Variants in MYO10 observed in about 807,000 individuals in gnomAD.
MYO10 encodes unconventional myosin-X.
In MYO10, 133 loss-of-function variants were observed where a neutral mutation model predicts 257.3. The observed-to-expected ratio is 0.52, with a 90% confidence interval of 0.45 to 0.60. The LOEUF (loss-of-function observed/expected upper bound fraction) is 0.60. Among genes scored for constraint, MYO10 ranks in the 20% least tolerant of loss-of-function variants. MYO10 has a pLI of 0.00. For missense variants in MYO10, 2,399 were observed against 2,635.7 expected (o/e 0.91, Z 1.97); for synonymous variants, 1,104 against 1,028.6 (o/e 1.07, Z -1.40).
chr5:16,917,106 T>C (rs576702250), intron 1 of MYO10, among the ~76,000 whole-genome samples: 1 of 152,094 alleles, frequency 6.6e-6, no homozygotes, highest in Non-Finnish European at 1.5e-5. Context: ...AATGTTGGAA[T>C]AAATAAAACA....
At position 16,762,594 on chromosome 5, in the gene MYO10, G is replaced by A. The variant is rs541689965; in HGVS notation, c.1538C>T (p.Pro513Leu). 6.2e-7 allele frequency: 1 copy of A among 1,609,670 alleles called. No individual in the cohort carries two copies. Among genetic ancestry groups the A allele is most frequent in the South Asian group, 1.1e-5 (1 of 89,644 alleles). Reference sequence around the variant, plus strand: ...CAATAAGGTGCTGTCTGTGGCTTGAGGAAAATGGCTTTCTTCATTGATAAG... The same window carrying A: ...CAATAAGGTGCTGTCTGTGGCTTGAAGAAAATGGCTTTCTTCATTGATAAG... ...LALINEESHF[P>L]QATDSTLLEK... is the part of the protein sequence containing the mutation. The change falls in exon 15 of 41, where the codon CCT becomes CTT. Residue 513 changes from proline to leucine, a missense_variant. This residue lies in a region of MYO10 where 337 missense variants were observed against 446.8 expected (regional missense o/e 0.75). Transcript: ENST00000513610.
rs1390716597 is a variant in MYO10, at chr5:16,935,733, C to T, written c.21+55G>A. ...TACCCAGGGCGCGCGGCGTGGTGGG[C>T]AGACGCCTCTCTCCCTGGGCTCCGG... On this transcript the variant is annotated intron_variant, in intron 1 of 40. Coordinates refer to ENST00000513610, the MANE Select transcript of MYO10 (RefSeq NM_012334.3). 1.9e-6 allele frequency: 3 copies of T among 1,607,702 alleles called. No individual in the cohort carries two copies. The African/African-American group carries it at 4.0e-5, about 21-fold the overall frequency.
intron 2 of MYO10, among the ~76,000 whole-genome samples, chr5:16,856,504 C>G (rs60453423): frequency 6.6e-6 from 1 of 151,624 alleles, no homozygotes; most frequent in African/African-American, 2.4e-5. Context: ...GAGCCGAGAT[C>G]GCACCACTGC....
At position 16,703,862 on chromosome 5, in the gene MYO10, G is replaced by C. The variant is rs996396581; in HGVS notation, c.2277-704C>G. Among the ~76,000 whole-genome samples the C allele has an allele frequency of 1.2e-3, 161 of 134,060 alleles. 1 individual carries two copies. Among genetic ancestry groups the C allele is most frequent in the Admixed American group, 2.7e-3 (32 of 12,058 alleles). The allele number at this position is 134,060 out of a possible 152,430, so 87.9% of individuals were successfully genotyped here. On this transcript the variant is annotated intron_variant, in intron 22 of 40. Coordinates refer to ENST00000513610, the MANE Select transcript of MYO10 (RefSeq NM_012334.3). ...GCACCATTGCACTCCAGCCAGACGA[G>C]CGAGCGAGACTCTGTCTCAAAAAAA... is the stretch of plus-strand genomic sequence containing the variant.
intron 2 of MYO10, among the ~76,000 whole-genome samples, chr5:16,859,597 A>G (rs1022044254): frequency 1.3e-5 from 2 of 152,078 alleles, no homozygotes; most frequent in Non-Finnish European, 2.9e-5. Flanking sequence ...AAGTTGAAAA[A>G]TTACCTGGCC....
chr5:16,762,248 A>T (rs1740737833), intron 15 of MYO10, 135 bp from the exon 16 acceptor site: 11 of 1,151,674 alleles, frequency 9.6e-6, no homozygotes, highest in Non-Finnish European at 1.3e-5. Context: ...TCTGCGTTTC[A>T]GGACACGGCA....
chr5:16,794,162 T>G (rs911687750), intron 4 of MYO10, among the ~76,000 whole-genome samples: 2 of 152,106 alleles, frequency 1.3e-5, no homozygotes, highest in Non-Finnish European at 2.9e-5. Context: ...CACCCTATTA[T>G]TAAAAATTCC....
intron 22 of MYO10, 66 bp from the exon 23 acceptor site, chr5:16,703,224 C>T: frequency 8.0e-7 from 1 of 1,248,880 alleles, no homozygotes; most frequent in Admixed American, 2.2e-5. Flanking sequence ...TTCAAATGAG[C>T]TCACATCAAG....
At chr5:16,734,683 T>C (rs1739719577) in intron 19 of MYO10, among the ~76,000 whole-genome samples, 1 of 151,962 alleles carries the variant, frequency 6.6e-6, no homozygotes, top group Admixed American at 6.6e-5. Context: ...CGCACACCTG[T>C]AATCCCAGCT....
intron 1 of MYO10, among the ~76,000 whole-genome samples, chr5:16,893,624 ACT>A (rs1269458815): frequency 7.9e-6 from 1 of 127,246 alleles, no homozygotes; most frequent in Non-Finnish European, 1.6e-5. Flanking sequence ...AGGGAGTGAG[ACT>A]CTGTCTCAAA....
chr5:16,933,032 T>A (rs1357065647), intron 1 of MYO10, among the ~76,000 whole-genome samples: 1 of 152,184 alleles, frequency 6.6e-6, no homozygotes, highest in African/African-American at 2.4e-5. Context: ...GTGCTGGGAT[T>A]ACAGGCTTGA....
intron 4 of MYO10, among the ~76,000 whole-genome samples, chr5:16,784,457 C>T (rs1741514241): frequency 1.3e-5 from 2 of 152,118 alleles, no homozygotes; most frequent in African/African-American, 4.8e-5. Context: ...GTGGCCAGGT[C>T]CCAAACACAG....
chr5:16,752,376 G>A (rs533969067), intron 19 of MYO10, among the ~76,000 whole-genome samples: 9 of 152,174 alleles, frequency 5.9e-5, no homozygotes, highest in East Asian at 1.9e-4. Context: ...TCCGCCTCCC[G>A]GGTTCAAGCA....
At chr5:16,691,148 T>C (rs1429811863) in intron 27 of MYO10, among the ~76,000 whole-genome samples, 1 of 151,606 alleles carries the variant, frequency 6.6e-6, no homozygotes, top group Non-Finnish European at 1.5e-5. Context: ...CAGGTACCTG[T>C]ACTTCCAGCT....
In MYO10 at chr5:16,783,345, G is replaced by C; in HGVS notation, c.592C>G (p.Leu198Val). The C allele has an allele frequency of 6.3e-7, 1 of 1,580,828 alleles. No homozygotes were observed. Among genetic ancestry groups the C allele is most frequent in the South Asian group, 1.2e-5 (1 of 83,788 alleles). ...AAAATCAATAAATACCTGCTTTCAA[G>C]AATAGCTCGTTCAACACAGGATGTC... ...EKTSCVERAILESSPIMEAFG... is the reference protein window; with the variant it reads ...EKTSCVERAIVESSPIMEAFG... The change falls in exon 5 of 41, where the codon CTT becomes GTT. Residue 198 changes from leucine (L) to valine (V), a missense_variant. Leu to Val is a conservative substitution (Grantham distance 32). This residue lies in a region of MYO10 where 337 missense variants were observed against 446.8 expected (regional missense o/e 0.75). Transcript: ENST00000513610.
At chr5:16,678,808 T>C (rs1180715655) in intron 33 of MYO10, among the ~76,000 whole-genome samples, 1 of 152,180 alleles carries the variant, frequency 6.6e-6, no homozygotes, top group Non-Finnish European at 1.5e-5. Flanking sequence ...TGCCTCACCA[T>C]CATTCTAGCA....
intron 37 of MYO10, among the ~76,000 whole-genome samples, chr5:16,672,435 G>A (rs954665841): frequency 8.6e-5 from 13 of 152,032 alleles, no homozygotes; most frequent in Non-Finnish European, 1.5e-4. Flanking sequence ...ATACCCAGAC[G>A]GGTCCAACAT....
At chr5:16,702,122 G>A (rs1738108790) in intron 24 of MYO10, among the ~76,000 whole-genome samples, 1 of 152,184 alleles carries the variant, frequency 6.6e-6, no homozygotes, top group African/African-American at 2.4e-5. Context: ...AGAGAAAAAA[G>A]GCTGCGTGAG....
At chr5:16,747,980 A>G (rs974738052) in intron 19 of MYO10, among the ~76,000 whole-genome samples, 4 of 150,536 alleles carry the variant, frequency 2.7e-5, no homozygotes, top group African/African-American at 9.7e-5. Flanking sequence ...AAAAAAAAAG[A>G]GAAAAAGATA....
Sources: gnomAD v4.1 joint callset for allele counts (sites outside exome capture counted in the v4.1 genomes callset) on GRCh38, gnomAD v4.1.1 for gene constraint, gnomAD v4.1.1 regional missense constraint, MANE v1.5 for transcripts, NCBI Gene and HGNC (gene_info 2026-07-23, HGNC 2026-07-21) for gene names.